Variants in FAM107B observed in about 807,000 individuals in gnomAD.
FAM107B encodes the protein protein FAM107B.
FAM107B carries 21 observed loss-of-function variants against 31.5 expected under a neutral mutation model. The ratio of observed to expected loss-of-function variants is 0.67; its 90% CI spans 0.47 to 0.96. The LOEUF (loss-of-function observed/expected upper bound fraction) is 0.96. Among genes scored for constraint, FAM107B ranks in the 40% least tolerant of loss-of-function variants. The pLI, the probability that FAM107B is intolerant of heterozygous loss-of-function variation, is 0.00. For synonymous variants in FAM107B, 157 were observed against 141.5 expected (o/e 1.11, Z -0.78); for missense variants, 452 against 377.1 (o/e 1.20, Z -1.64).
At chr10:14,742,511 G>C (rs1487120030) in intron 1 of FAM107B, among the ~76,000 whole-genome samples, 1 of 152,140 alleles carries the variant, frequency 6.6e-6, no homozygotes, top group Non-Finnish European at 1.5e-5. Flanking sequence ...CTGTCTGTTT[G>C]TTCACTGATG....
At chr10:14,745,167 T>G (rs1832699717) in intron 1 of FAM107B, among the ~76,000 whole-genome samples, 1 of 152,160 alleles carries the variant, frequency 6.6e-6, no homozygotes, top group Non-Finnish European at 1.5e-5. Context: ...TTTATCATTT[T>G]TTATTGTCTA....
intron 2 of FAM107B, among the ~76,000 whole-genome samples, chr10:14,648,026 A>G (rs1182920545): frequency 2.0e-5 from 3 of 151,770 alleles, no homozygotes; most frequent in Non-Finnish European, 1.5e-5. Flanking sequence ...GATATAAAAC[A>G]TTTTCTTAAG....
chr10:14,579,919 G>A (rs1003487582), intron 2 of FAM107B, among the ~76,000 whole-genome samples: 42 of 152,122 alleles, frequency 2.8e-4, no homozygotes, highest in African/African-American at 8.0e-4. Flanking sequence ...ATACTTGGGA[G>A]GCTGAGGCAG....
rs181778420 is a variant in FAM107B, at chr10:14,629,136, G to A, written c.469+38498C>T. ...TGAAAGCAATTTAAGATGTTTAAAGGAGTTTAACTTTCTAAGTGGAACCAA... is the reference window on the plus strand; with the variant it reads ...TGAAAGCAATTTAAGATGTTTAAAGAAGTTTAACTTTCTAAGTGGAACCAA... On this transcript the variant is annotated intron_variant, in intron 2 of 4. Transcript: ENST00000181796. 4.9e-3 allele frequency among the ~76,000 whole-genome samples: 713 copies of A among 144,926 alleles called. 6 individuals are homozygous for A. The highest frequency in any genetic ancestry group is 0.018 in the African/African-American group (692 of 39,530).
At chr10:14,557,667 G>A (rs1182137030) in intron 2 of FAM107B, among the ~76,000 whole-genome samples, 1 of 152,220 alleles carries the variant, frequency 6.6e-6, no homozygotes, top group Admixed American at 6.5e-5. Flanking sequence ...AGTGCTTACT[G>A]CATCCCAGGC....
At chr10:14,726,668 C>T (rs557657970) in intron 1 of FAM107B, among the ~76,000 whole-genome samples, 9 of 152,156 alleles carry the variant, frequency 5.9e-5, no homozygotes, top group South Asian at 2.1e-4. Context: ...AAGTATTGCC[C>T]GAAAGTACCA....
chr10:14,709,854 C>T (rs184091724), intron 1 of FAM107B, among the ~76,000 whole-genome samples: 54 of 152,136 alleles, frequency 3.5e-4, no homozygotes, highest in East Asian at 7.7e-4. Flanking sequence ...TCCAAATATA[C>T]GACATTCTGA....
At chr10:14,774,124 T>G in intron 1 of FAM107B, 129 bp downstream of exon 1, 1 of 1,136,124 alleles carries the variant, frequency 8.8e-7, no homozygotes, top group Non-Finnish European at 1.2e-6. Flanking sequence ...TTCTTCGCAC[T>G]AGTGAGAACG....
chr10:14,675,522 C>T (rs375389303), intron 1 of FAM107B, among the ~76,000 whole-genome samples: 4 of 152,112 alleles, frequency 2.6e-5, no homozygotes, highest in African/African-American at 9.7e-5. Flanking sequence ...AAGCCTATGA[C>T]CGATTAATGG....
chr10:14,541,125 A>T (rs1024031047), intron 2 of FAM107B, among the ~76,000 whole-genome samples: 1 of 152,056 alleles, frequency 6.6e-6, no homozygotes, highest in Admixed American at 6.5e-5. Flanking sequence ...GCATCTGAAA[A>T]TCGCCCCCTA....
intron 1 of FAM107B, among the ~76,000 whole-genome samples, chr10:14,696,642 T>C (rs1855272353): frequency 6.6e-6 from 1 of 152,178 alleles, no homozygotes; most frequent in Non-Finnish European, 1.5e-5. Flanking sequence ...GGGATTTTCT[T>C]TGTTGGGAGG....
At position 14,595,395 on chromosome 10, in the gene FAM107B, T is replaced by C. The variant is rs1043628355; in HGVS notation, c.470-64880A>G. The stretch of plus-strand genomic sequence containing the variant: ...GCATAGATCAGACTTGGATCCTAAT[T>C]CTGGCTCAGCTTCTTCCTAGGGCAA... On this transcript the variant is annotated intron_variant, in intron 2 of 4. Coordinates refer to ENST00000181796, the MANE Select transcript of FAM107B (RefSeq NM_031453.4). Among the ~76,000 whole-genome samples, 20 of 150,358 alleles carry C rather than the reference T, an allele frequency of 1.3e-4. No individual in the cohort carries two copies. The South Asian group carries it at 2.3e-3, about 17-fold the overall frequency.
chr10:14,549,573 T>C (rs1849063440), intron 2 of FAM107B, among the ~76,000 whole-genome samples: 2 of 152,138 alleles, frequency 1.3e-5, no homozygotes, highest in African/African-American at 4.8e-5. Flanking sequence ...CTTTCCCTGA[T>C]TCAACTCTGC....
chr10:14,774,304 T>C lies in FAM107B; in HGVS notation c.360A>G (p.Ala120=). The C allele has an allele frequency of 6.2e-7, 1 of 1,614,154 alleles. No individual in the cohort carries two copies. Among genetic ancestry groups the C allele is most frequent in the South Asian group, 1.1e-5 (1 of 91,084 alleles). The change falls in exon 1 of 5, where the codon GCA becomes GCG. Residue 120 remains alanine (A), a synonymous_variant. Coordinates refer to ENST00000181796, the MANE Select transcript of FAM107B (RefSeq NM_031453.4). The part of the protein sequence containing the change: ...GSLDDGADCE[A]VVFHASIPRP... The stretch of plus-strand genomic sequence containing the variant: ...TGGGGATGGAAGCGTGAAACACCAC[T>C]GCTTCACAGTCCGCCCCATCATCCA...
At chr10:14,752,517 T>C (rs1239855470) in intron 1 of FAM107B, among the ~76,000 whole-genome samples, 1 of 152,226 alleles carries the variant, frequency 6.6e-6, no homozygotes, top group Non-Finnish European at 1.5e-5. Context: ...AGTTTTAGTA[T>C]AGGACGCAAA....
rs1389393486 is a variant in FAM107B at position 14,518,846 on chromosome 10, T to C, written c.*2344A>G. ...AAACTATTTTAAGAAAACCACGCTG[T>C]GGAAAAATGGAGCCATTTTTGTCAA... On this transcript the variant is annotated 3_prime_UTR_variant, in exon 5 of 5. Coordinates refer to ENST00000181796, the MANE Select transcript of FAM107B (RefSeq NM_031453.4). The C allele has an allele frequency of 1.3e-5, 2 of 152,554 alleles. No individual in the cohort carries two copies. The highest frequency in any genetic ancestry group is 3.9e-4 in the East Asian group (2 of 5,186). 9.5% of individuals were successfully genotyped at this position (152,554 alleles called of 1,614,324 possible).
At chr10:14,748,320 G>T (rs1427228515) in intron 1 of FAM107B, among the ~76,000 whole-genome samples, 1 of 152,196 alleles carries the variant, frequency 6.6e-6, no homozygotes, top group Non-Finnish European at 1.5e-5. Flanking sequence ...CTAATAGAGG[G>T]TAGTGGACAT....
intron 1 of FAM107B, among the ~76,000 whole-genome samples, chr10:14,725,888 C>T (rs566508254): frequency 9.4e-5 from 13 of 137,624 alleles, no homozygotes; most frequent in Admixed American, 2.5e-4. Flanking sequence ...TGCAGTGGCA[C>T]GATCTCGGCT....
At chr10:14,769,479 G>T (rs1181297596) in intron 1 of FAM107B, among the ~76,000 whole-genome samples, 2 of 152,106 alleles carry the variant, frequency 1.3e-5, no homozygotes, top group Non-Finnish European at 2.9e-5. Context: ...CAGCCTCCAG[G>T]GTTCAAGCAA....
Sources: gnomAD v4.1 joint callset for allele counts (sites outside exome capture counted in the v4.1 genomes callset) on GRCh38, gnomAD v4.1.1 for gene constraint, MANE v1.5 for transcripts, NCBI Gene and HGNC (gene_info 2026-07-23, HGNC 2026-07-21) for gene names.